Variants in VPS13C observed in about 807,000 individuals in gnomAD.
The protein encoded by VPS13C is intermembrane lipid transfer protein VPS13C.
VPS13C carries 358 observed loss-of-function variants against 456.8 expected under a neutral mutation model. The observed-to-expected ratio is 0.78, with a 90% CI of 0.72 to 0.86. VPS13C has a LOEUF of 0.86. Among genes scored for constraint, VPS13C ranks in the 40% least tolerant of loss-of-function variants. The pLI is 0.00. For missense variants in VPS13C, 4,818 were observed against 4,385.4 expected (o/e 1.10, Z -2.79); for synonymous variants, 1,578 against 1,486.7 (o/e 1.06, Z -1.41).
intron 9 of VPS13C, 22 bp from the exon 10 acceptor site, chr15:62,014,014 CT>C (rs758209820): frequency 6.3e-7 from 1 of 1,592,912 alleles, no homozygotes; most frequent in African/African-American, 1.3e-5. Context: ...AAGGGAATAC[CT>C]GTGAAACGTG....
At chr15:61,966,571 T>A (rs1214408874) in intron 29 of VPS13C, among the ~76,000 whole-genome samples, 10 of 151,872 alleles carry the variant, frequency 6.6e-5, no homozygotes, top group Admixed American at 5.9e-4. Context: ...TCACATTGAG[T>A]CAAAAATCTG....
At chr15:61,863,398 C>G in intron 82 of VPS13C, 42 bp downstream of exon 82, 1 of 1,479,262 alleles carries the variant, frequency 6.8e-7, no homozygotes, top group Non-Finnish European at 9.3e-7. Context: ...GTGACCTATG[C>G]AACTAAGTAC....
chr15:62,009,763 G>T (rs1320567175), intron 13 of VPS13C, among the ~76,000 whole-genome samples: 2 of 152,018 alleles, frequency 1.3e-5, no homozygotes, highest in Non-Finnish European at 2.9e-5. Flanking sequence ...CCAACTCTCT[G>T]GGCATATAAC....
chr15:61,863,198 G>C (rs1036739645), intron 82 of VPS13C, among the ~76,000 whole-genome samples: 3 of 152,036 alleles, frequency 2.0e-5, no homozygotes, highest in African/African-American at 7.2e-5. Context: ...GTGTAACTTG[G>C]ATAAGTCCCT....
rs1316509844 is a variant in VPS13C, at chr15:61,978,615, T to C, written c.2290+11A>G. The C allele has an allele frequency of 6.2e-7, 1 of 1,609,484 alleles. No individual in the cohort carries two copies. The highest frequency in any genetic ancestry group is 1.1e-5 in the South Asian group (1 of 90,144). On this transcript the variant is annotated intron_variant, in intron 23 of 84. Coordinates refer to ENST00000644861, the MANE Select transcript of VPS13C (RefSeq NM_020821.3). The stretch of plus-strand genomic sequence containing the variant: ...TAATCCCAAGATCCTAAAAGCTGAA[T>C]AACGGTTTACCTGCTCTTGCAAAAA...
At position 61,915,635 on chromosome 15, in the gene VPS13C, T is replaced by G. The variant is rs766062581; in HGVS notation, c.8443A>C (p.Lys2815Gln). The G allele has an allele frequency of 1.6e-5, 25 of 1,585,056 alleles. No homozygotes were observed. Among genetic ancestry groups the G allele is most frequent in the Non-Finnish European group, 2.1e-5 (24 of 1,169,568 alleles). The change falls in exon 61 of 85, where the codon AAG becomes CAG. Residue 2815 changes from lysine (K) to glutamine (Q), a missense_variant and splice_region_variant. Coordinates refer to ENST00000644861, the MANE Select transcript of VPS13C (RefSeq NM_020821.3). ...TTATTATGTGAACAAAACCACACCT[T>G]ATTTTTAGTAAAAATGTTCTTCTTC... ...FKKKNIFTKN[K>Q]VQLKISTSAW... is the part of the protein sequence containing the mutation.
Position 61,915,785 on chromosome 15 carries a change from C to T in VPS13C, c.8293G>A (p.Val2765Met). Reference sequence around the variant, plus strand: ...CAATAGGGACTAAAGACAGACAGCACCATCCGGCTGCCAATTCTCCTGACG... The same window carrying T: ...CAATAGGGACTAAAGACAGACAGCATCATCCGGCTGCCAATTCTCCTGACG... ...VHVRRIGSRM[V>M]LSVFSPYWLI... Residue 2765 changes from valine (V) to methionine (M), a missense_variant, in exon 61 of 85, where the codon GTG becomes ATG. This residue lies in a region of VPS13C where 4,552 missense variants were observed against 4,130.6 expected (regional missense o/e 1.10). Coordinates refer to ENST00000644861, the MANE Select transcript of VPS13C (RefSeq NM_020821.3). 6.2e-7 allele frequency: 1 copy of T among 1,614,102 alleles called. No homozygotes were observed. The highest frequency in any genetic ancestry group is 1.1e-5 in the South Asian group (1 of 91,070).
chr15:61,910,937 A>T (rs1214785574), intron 63 of VPS13C, among the ~76,000 whole-genome samples: 2 of 151,444 alleles, frequency 1.3e-5, no homozygotes, highest in Admixed American at 6.6e-5. Context: ...CACAAAGATT[A>T]AAAAAAAATA....
intron 66 of VPS13C, among the ~76,000 whole-genome samples, chr15:61,894,284 G>C (rs992081587): frequency 1.3e-5 from 2 of 151,672 alleles, no homozygotes; most frequent in African/African-American, 4.8e-5. Flanking sequence ...CTCCAGCCAG[G>C]GTGACAGAGC....
chr15:61,928,899 A>C (rs1042874589), intron 51 of VPS13C, among the ~76,000 whole-genome samples: 1 of 152,138 alleles, frequency 6.6e-6, no homozygotes, highest in African/African-American at 2.4e-5. Flanking sequence ...AAATTTTAAA[A>C]AAAAAGGAGA....
At chr15:61,977,040 T>C in intron 24 of VPS13C, 42 bp downstream of exon 24, 1 of 1,380,522 alleles carries the variant, frequency 7.2e-7, no homozygotes, top group Non-Finnish European at 1.0e-6. Flanking sequence ...CAGACATATT[T>C]CACCTGTTGA....
At chr15:62,030,937 T>C (rs140221603) in intron 5 of VPS13C, among the ~76,000 whole-genome samples, 314 of 152,242 alleles carry the variant, frequency 2.1e-3, no homozygotes, top group African/African-American at 7.0e-3. Flanking sequence ...TGTGTGTACA[T>C]ATTACTTTGA....
At chr15:61,940,985 G>A (rs967249369) in intron 46 of VPS13C, among the ~76,000 whole-genome samples, 191 bp from the exon 47 acceptor site, 4 of 152,150 alleles carry the variant, frequency 2.6e-5, no homozygotes, top group African/African-American at 4.8e-5. Context: ...TATATGCAGA[G>A]CTATCCAAAA....
chr15:61,959,662 G>C (rs958578270), intron 35 of VPS13C, 67 bp from the exon 36 acceptor site: 8 of 1,499,626 alleles, frequency 5.3e-6, no homozygotes, highest in African/African-American at 1.4e-5. Flanking sequence ...TTAAAAAAAA[G>C]CAAAGTCAAG....
chr15:61,959,949 G>A (rs1168557872), intron 35 of VPS13C, among the ~76,000 whole-genome samples: 1 of 152,108 alleles, frequency 6.6e-6, no homozygotes, highest in African/African-American at 2.4e-5. Flanking sequence ...AGAAAATGAT[G>A]GCAAAGTGAA....
intron 45 of VPS13C, among the ~76,000 whole-genome samples, chr15:61,944,862 T>G (rs745381250): frequency 7.9e-5 from 12 of 152,200 alleles, no homozygotes; most frequent in African/African-American, 7.2e-5. Flanking sequence ...TTAAAAGTTT[T>G]GATTGGCAGC....
chr15:61,958,648 A>G lies in VPS13C; in HGVS notation c.4125T>C (p.Thr1375=). Residue 1375 remains threonine, a synonymous_variant, in exon 37 of 85, where the codon ACT becomes ACC. Transcript: ENST00000644861. ...TTGGTTTCACTTTATCCAAGTCTTC[A>G]GTACCCTCACAGAGATTTTCTGTTA... The part of the protein sequence containing the change: ...RILTENLCEG[T]EDLDKVKPRV... 1.9e-6 allele frequency: 3 copies of G among 1,578,010 alleles called. No homozygotes were observed. Among genetic ancestry groups the G allele is most frequent in the South Asian group, 1.2e-5 (1 of 84,324 alleles).
At chr15:62,050,703 G>C (rs937092672) in intron 1 of VPS13C, among the ~76,000 whole-genome samples, 3 of 151,588 alleles carry the variant, frequency 2.0e-5, no homozygotes, top group African/African-American at 7.3e-5. Context: ...TCAGGATTCT[G>C]AGGCAGAAGA....
Position 61,934,218 on chromosome 15 carries a change from C to T in VPS13C, c.5868+1G>A. The T allele has an allele frequency of 6.4e-7, 1 of 1,551,914 alleles. No homozygotes were observed. Among genetic ancestry groups the T allele is most frequent in the Non-Finnish European group, 8.8e-7 (1 of 1,141,372 alleles). On this transcript the variant is annotated splice_donor_variant, in intron 49 of 84. Transcript: ENST00000644861. LOFTEE classifies it high-confidence loss of function. Reference sequence around the variant, plus strand: ...TCTAATTACAGAAATGTATTACATACCTGGTTGATATCATTGTTATAAAGG... The same window carrying T: ...TCTAATTACAGAAATGTATTACATATCTGGTTGATATCATTGTTATAAAGG...
Sources: gnomAD v4.1 joint callset for allele counts (sites outside exome capture counted in the v4.1 genomes callset) on GRCh38, gnomAD v4.1.1 for gene constraint, gnomAD v4.1.1 regional missense constraint, MANE v1.5 for transcripts, NCBI Gene and HGNC (gene_info 2026-07-23, HGNC 2026-07-21) for gene names.